The following PSME1 variants were observed in gnomAD, a reference collection of about 807,000 sequenced individuals.
PSME1 encodes the protein proteasome activator complex subunit 1.
A neutral mutation model predicts 38.4 loss-of-function variants in PSME1; 15 were observed. The ratio of observed to expected loss-of-function variants is 0.39; its 90% CI spans 0.26 to 0.60. PSME1 has a LOEUF of 0.60. PSME1 is among the 20% of genes least tolerant of loss of function. PSME1 has a pLI of 0.53. For missense variants in PSME1, 249 were observed against 305.6 expected, an observed-to-expected ratio of 0.81 and a Z score of 1.38; for synonymous variants, 106 against 106.8, an observed-to-expected ratio of 0.99 and a Z score of 0.05.
rs757303985 is a variant in PSME1 at position 24,137,383 on chromosome 14, TGATCCAGTCAAGGAGAAAGAGAAAGA to T, written c.200_225del (p.Asp67GlyfsTer13). 6.2e-7 allele frequency: 1 copy of T among 1,614,064 alleles called. No homozygotes were observed. Among genetic ancestry groups the T allele is most frequent in the East Asian group, 2.2e-5 (1 of 44,874 alleles). On this transcript the variant is annotated frameshift_variant, in exon 4 of 11. Transcript: ENST00000206451. LOFTEE classifies it high-confidence loss of function. ...AGGCCCCATTGGACATCCCAGTGCCTGATCCAGTCAAGGAGAAAGAGAAAGAGGAGCGGAAGAAACAGCAGGAGGCA... is the reference window on the plus strand; with the variant it reads ...AGGCCCCATTGGACATCCCAGTGCCTGGAGCGGAAGAAACAGCAGGAGGCA...
At chr14:24,137,121 T>TCC (rs1566601289) in intron 2 of PSME1, 22 bp from the exon 3 acceptor site, 1 of 1,613,924 alleles carries the variant, frequency 6.2e-7, no homozygotes, top group Non-Finnish European at 8.5e-7. Flanking sequence ...CCCATCCTCC[T>TCC]CCACCCCCAC....
Position 24,136,259 on chromosome 14 carries a change from G to A in PSME1, c.-4G>A, listed in dbSNP as rs760379103. The A allele has an allele frequency of 2.6e-6, 4 of 1,527,218 alleles. No individual in the cohort carries two copies. The highest frequency in any genetic ancestry group is 1.7e-4 in the Middle Eastern group (1 of 5,904). The allele number at this position is 1,527,218 out of a possible 1,614,324, so 94.6% of individuals were successfully genotyped here. ...TGTGCGGCGCTAGGCCCCCCGTCCC[G>A]GTCATGGCCATGCTCAGGGTCCAGC... On this transcript the variant is annotated 5_prime_UTR_variant, in exon 1 of 11. Coordinates refer to ENST00000206451, the MANE Select transcript of PSME1 (RefSeq NM_006263.4). The surrounding 1 kb of genome is among the most constrained non-coding windows in gnomAD (Gnocchi z 4.8).
Position 24,136,384 on chromosome 14 carries a change from C to T in PSME1, c.39+83C>T. The T allele has an allele frequency of 7.4e-7, 1 of 1,349,072 alleles. No homozygotes were observed. Among genetic ancestry groups the T allele is most frequent in the South Asian group, 1.5e-5 (1 of 65,912 alleles). 83.6% of individuals were successfully genotyped at this position (1,349,072 alleles called of 1,614,324 possible). On this transcript the variant is annotated intron_variant, in intron 1 of 10. Coordinates refer to ENST00000206451, the MANE Select transcript of PSME1 (RefSeq NM_006263.4). This position sits in a 1 kb window ranked among gnomAD's most constrained non-coding sequence, Gnocchi z 4.8. Reference sequence around the variant, plus strand: ...GGGCATCCCCGACCCGCCCCCCAGGCTCCCACGCGAGTCGGGGGCAGTCGG... The same window carrying T: ...GGGCATCCCCGACCCGCCCCCCAGGTTCCCACGCGAGTCGGGGGCAGTCGG...
chr14:24,136,326 G>T lies in PSME1; in HGVS notation c.39+25G>T. ...GGTGAGCGCCGCGGGGTCTAGAAAG[G>T]GCCCACTGGGGAGGCGTGGCTGGAG... is the stretch of plus-strand genomic sequence containing the variant. On this transcript the variant is annotated intron_variant, in intron 1 of 10. Coordinates refer to ENST00000206451, the MANE Select transcript of PSME1 (RefSeq NM_006263.4). This position sits in a 1 kb window ranked among gnomAD's most constrained non-coding sequence, Gnocchi z 4.8. 1.3e-6 allele frequency: 2 copies of T among 1,507,342 alleles called. No homozygotes were observed. The highest frequency in any genetic ancestry group is 1.8e-6 in the Non-Finnish European group (2 of 1,128,712). The allele number at this position is 1,507,342 out of a possible 1,614,324, so 93.4% of individuals were successfully genotyped here. A position where few individuals can be genotyped will look rare whatever the true frequency, so the allele number is the denominator to read the frequency against.
Position 24,136,551 on chromosome 14 carries a change from G to A in PSME1, c.39+250G>A, listed in dbSNP as rs2037905755. Reference sequence around the variant, plus strand: ...AGGGGAACTCCGCTGGCCTGGGGCCGGGGCCACACACAGACTGGGTGCGGG... The same window carrying A: ...AGGGGAACTCCGCTGGCCTGGGGCCAGGGCCACACACAGACTGGGTGCGGG... On this transcript the variant is annotated intron_variant, in intron 1 of 10. Coordinates refer to ENST00000206451, the MANE Select transcript of PSME1 (RefSeq NM_006263.4). This position sits in a 1 kb window ranked among gnomAD's most constrained non-coding sequence, Gnocchi z 4.8. Among the ~76,000 whole-genome samples, 1 of 152,142 alleles carries A rather than the reference G, an allele frequency of 6.6e-6. No homozygotes were observed. The highest frequency in any genetic ancestry group is 2.4e-5 in the African/African-American group (1 of 41,428).
chr14:24,138,003 A>G (rs772767044), intron 6 of PSME1, 46 bp from the exon 7 acceptor site: 1 of 1,602,658 alleles, frequency 6.2e-7, no homozygotes. Context: ...GAAACTGGGA[A>G]TTGGGTAGAG....
At chr14:24,137,619 C>T (rs1056095107) in intron 5 of PSME1, 54 bp downstream of exon 5, 164 of 1,612,044 alleles carry the variant, frequency 1.0e-4, no homozygotes, top group Non-Finnish European at 1.0e-4. Context: ...ACAGGAGCTC[C>T]TCCTAAGGAT....
At position 24,136,307 on chromosome 14, in the gene PSME1, C is replaced by G; in HGVS notation, c.39+6C>G. 6.6e-7 allele frequency: 1 copy of G among 1,523,756 alleles called. No homozygotes were observed. Among genetic ancestry groups the G allele is most frequent in the East Asian group, 2.8e-5 (1 of 36,192 alleles). 94.4% of individuals were successfully genotyped at this position (1,523,756 alleles called of 1,614,324 possible). A position where few individuals can be genotyped will look rare whatever the true frequency, so the allele number is the denominator to read the frequency against. ...AGCCCGAGGCCCAAGCCAAGGTGAG[C>G]GCCGCGGGGTCTAGAAAGGGCCCAC... On this transcript the variant is annotated splice_donor_region_variant and intron_variant, in intron 1 of 10. Coordinates refer to ENST00000206451, the MANE Select transcript of PSME1 (RefSeq NM_006263.4). This position sits in a 1 kb window ranked among gnomAD's most constrained non-coding sequence, Gnocchi z 4.8.
chr14:24,136,868 C>T lies in PSME1; in HGVS notation c.40-117C>T, dbSNP rs143384237. The T allele has an allele frequency of 2.3e-6, 3 of 1,281,398 alleles. No homozygotes were observed. The highest frequency in any genetic ancestry group is 2.4e-5 in the East Asian group (1 of 42,546). 79.4% of individuals were successfully genotyped at this position (1,281,398 alleles called of 1,614,324 possible). On this transcript the variant is annotated intron_variant, in intron 1 of 10. Transcript: ENST00000206451. The surrounding 1 kb of genome is among the most constrained non-coding windows in gnomAD (Gnocchi z 4.8). ...CCATCTCGCTTTCTTCAGGTCTGGC[C>T]TTAGAGGGATCCCCTCCACCCTTCC...
chr14:24,137,677 C>T (rs567839301), intron 5 of PSME1, 23 bp from the exon 6 acceptor site: 1 of 1,610,480 alleles, frequency 6.2e-7, no homozygotes, highest in African/African-American at 1.3e-5. Flanking sequence ...AATCATGTGA[C>T]TGACCCATTG....
rs1803829 is a variant in PSME1 at position 24,138,821 on chromosome 14, C to T, written c.*5C>T. ...ACAAAGGGAATGATCTATTGAGAGCCCTCTCTCCCATTCTGTGATGAGTAC... is the reference window on the plus strand; with the variant it reads ...ACAAAGGGAATGATCTATTGAGAGCTCTCTCTCCCATTCTGTGATGAGTAC... On this transcript the variant is annotated 3_prime_UTR_variant, in exon 11 of 11. Transcript: ENST00000206451. 2.5e-6 allele frequency: 4 copies of T among 1,613,094 alleles called. No homozygotes were observed. Among genetic ancestry groups the T allele is most frequent in the South Asian group, 2.2e-5 (2 of 91,058 alleles).
At position 24,138,406 on chromosome 14, in the gene PSME1, G is replaced by C; in HGVS notation, c.582+7G>C. The C allele has an allele frequency of 6.2e-7, 1 of 1,614,186 alleles. No individual in the cohort carries two copies. Among genetic ancestry groups the C allele is most frequent in the Non-Finnish European group, 8.5e-7 (1 of 1,180,034 alleles). On this transcript the variant is annotated splice_region_variant and intron_variant, in intron 9 of 10. Transcript: ENST00000206451. ...AGCCAAGCAGCCCCATGTGGTAGGT[G>C]AGGCCCAGGTCAGGGTGCATGGGGG...
At chr14:24,138,427 G>A in intron 9 of PSME1, 28 bp downstream of exon 9, 1 of 1,614,156 alleles carries the variant, frequency 6.2e-7, no homozygotes. Flanking sequence ...CAGGGTGCAT[G>A]GGGGAAGGAC....
In PSME1 at chr14:24,138,363, T is replaced by C. The variant is rs779066460; in HGVS notation, c.546T>C (p.Gly182=). The change falls in exon 9 of 11, where the codon GGT becomes GGC. Residue 182 remains glycine (G), a synonymous_variant. Transcript: ENST00000206451. ...TCCACAGGTATTTCTCTGAGCGTGGTGATGCAGTGACTAAAGCAGCCAAGC... is the reference window on the plus strand; with the variant it reads ...TCCACAGGTATTTCTCTGAGCGTGGCGATGCAGTGACTAAAGCAGCCAAGC... ...TQISKYFSER[G]DAVTKAAKQP... 4 of 1,614,148 alleles carry C rather than the reference T, an allele frequency of 2.5e-6. No homozygotes were observed. Among genetic ancestry groups the C allele is most frequent in the Non-Finnish European group, 2.5e-6 (3 of 1,180,026 alleles).
At chr14:24,137,941 A>G in intron 6 of PSME1, 108 bp from the exon 7 acceptor site, 2 of 1,506,836 alleles carry the variant, frequency 1.3e-6, no homozygotes, top group Non-Finnish European at 1.8e-6. Flanking sequence ...GGGGCTCAGG[A>G]TAGACCCGGC....
chr14:24,136,361 G>A lies in PSME1; in HGVS notation c.39+60G>A. 2 of 1,451,692 alleles carry A rather than the reference G, an allele frequency of 1.4e-6. No individual in the cohort carries two copies. The highest frequency in any genetic ancestry group is 1.8e-6 in the Non-Finnish European group (2 of 1,094,736). The allele number at this position is 1,451,692 out of a possible 1,614,324, so 89.9% of individuals were successfully genotyped here. A position where few individuals can be genotyped will look rare whatever the true frequency, so the allele number is the denominator to read the frequency against. On this transcript the variant is annotated intron_variant, in intron 1 of 10. Coordinates refer to ENST00000206451, the MANE Select transcript of PSME1 (RefSeq NM_006263.4). The surrounding 1 kb of genome is among the most constrained non-coding windows in gnomAD (Gnocchi z 4.8). The stretch of plus-strand genomic sequence containing the variant: ...GGAGGCGTGGCTGGAGCGGCCGGGG[G>A]CATCCCCGACCCGCCCCCCAGGCTC...
Position 24,138,851 on chromosome 14 carries a change from G to A in PSME1, c.*35G>A. The A allele has an allele frequency of 6.2e-7, 1 of 1,605,776 alleles. No individual in the cohort carries two copies. The highest frequency in any genetic ancestry group is 8.5e-7 in the Non-Finnish European group (1 of 1,174,582). On this transcript the variant is annotated 3_prime_UTR_variant, in exon 11 of 11. Coordinates refer to ENST00000206451, the MANE Select transcript of PSME1 (RefSeq NM_006263.4). ...CTCCCATTCTGTGATGAGTACAGCA[G>A]AGACCTTCCTGCTTTTTACTGGGGA...
chr14:24,136,308 G>C lies in PSME1; in HGVS notation c.39+7G>C. The stretch of plus-strand genomic sequence containing the variant: ...GCCCGAGGCCCAAGCCAAGGTGAGC[G>C]CCGCGGGGTCTAGAAAGGGCCCACT... On this transcript the variant is annotated splice_region_variant and intron_variant, in intron 1 of 10. Coordinates refer to ENST00000206451, the MANE Select transcript of PSME1 (RefSeq NM_006263.4). The surrounding 1 kb of genome is among the most constrained non-coding windows in gnomAD (Gnocchi z 4.8). 2.0e-6 allele frequency: 3 copies of C among 1,523,380 alleles called. No homozygotes were observed. The highest frequency in any genetic ancestry group is 2.5e-5 in the South Asian group (2 of 80,652). The allele number at this position is 1,523,380 out of a possible 1,614,324, so 94.4% of individuals were successfully genotyped here. A position where few individuals can be genotyped will look rare whatever the true frequency, so the allele number is the denominator to read the frequency against.
At position 24,138,536 on chromosome 14, in the gene PSME1, G is replaced by A; in HGVS notation, c.645G>A (p.Met215Ile). ...DEAEYRDIRL[M>I]VMEIRNAYAV... ...CAGAGTACCGGGACATCCGGCTGAT[G>A]GTCATGGAGATCCGCAATGCTTATG... Residue 215 changes from methionine (M) to isoleucine (I), a missense_variant, in exon 10 of 11, where the codon ATG becomes ATA. Met to Ile is a conservative substitution (Grantham distance 10). Coordinates refer to ENST00000206451, the MANE Select transcript of PSME1 (RefSeq NM_006263.4). 1 of 1,614,098 alleles carries A rather than the reference G, an allele frequency of 6.2e-7. No homozygotes were observed. The highest frequency in any genetic ancestry group is 8.5e-7 in the Non-Finnish European group (1 of 1,180,026).
Sources: gnomAD v4.1 joint callset for allele counts (sites outside exome capture counted in the v4.1 genomes callset) on GRCh38, gnomAD v4.1.1 for gene constraint, Gnocchi (gnomAD v3.1) non-coding constraint, MANE v1.5 for transcripts, NCBI Gene and HGNC (gene_info 2026-07-23, HGNC 2026-07-21) for gene names.